ZSCAN23: variants seen among roughly 807,000 people sequenced by gnomAD.
The protein encoded by ZSCAN23 is zinc finger and SCAN domain-containing protein 23.
A neutral mutation model predicts 19.3 loss-of-function variants in ZSCAN23; 19 were observed. The ratio of observed to expected loss-of-function variants is 0.99; its 90% CI spans 0.69 to 1.45. The LOEUF is 1.45. Ranked by LOEUF, ZSCAN23 falls within the 40% of genes most tolerant of loss-of-function variation. ZSCAN23 has a pLI of 0.00. For synonymous variants in ZSCAN23, 140 were observed against 166.2 expected, an observed-to-expected ratio of 0.84 and a Z score of 1.21; for missense variants, 372 against 462.5, an observed-to-expected ratio of 0.80 and a Z score of 1.79.
intron 1 of ZSCAN23, among the ~76,000 whole-genome samples, chr6:28,441,133 C>A (rs1761991704): frequency 1.3e-5 from 2 of 152,214 alleles, no homozygotes; most frequent in Non-Finnish European, 2.9e-5. Flanking sequence ...CTACCATCAT[C>A]CTCATGGAAG....
intron 1 of ZSCAN23, among the ~76,000 whole-genome samples, chr6:28,440,483 C>A (rs1437120200): frequency 2.0e-5 from 3 of 152,124 alleles, no homozygotes; most frequent in Non-Finnish European, 4.4e-5. Flanking sequence ...GAAACATGAT[C>A]TGCTGAATTG....
chr6:28,428,989 C>T (rs537639539), downstream of ZSCAN23, among the ~76,000 whole-genome samples: 118 of 152,290 alleles, frequency 7.7e-4, no homozygotes, highest in Middle Eastern at 3.4e-3. Context: ...ACTCTTGTTG[C>T]CCAGGCTGGA....
Position 28,434,757 on chromosome 6 carries a change from A to G in ZSCAN23, c.878T>C (p.Phe293Ser), listed in dbSNP as rs1761838573. The change falls in exon 4 of 4, where the codon TTC becomes TCC. Residue 293 changes from phenylalanine (F) to serine (S), a missense_variant. Coordinates refer to ENST00000289788, the MANE Select transcript of ZSCAN23 (RefSeq NM_001012455.2). ...GRAFSQRSGL[F>S]QHQRLHTGEK... ...CCCAGTGTGGAGTCTCTGGTGCTGG[A>G]ATAGGCCTGACCTCTGGCTGAAGGC... 6.2e-7 allele frequency: 1 copy of G among 1,602,734 alleles called. No homozygotes were observed. The highest frequency in any genetic ancestry group is 1.7e-4 in the Middle Eastern group (1 of 6,056).
the ZSCAN23 span, among the ~76,000 whole-genome samples, chr6:28,426,625 G>A: frequency 6.6e-6 from 1 of 152,188 alleles, no homozygotes; most frequent in Non-Finnish European, 1.5e-5. Flanking sequence ...ACAGAAACAC[G>A]AAGTGTGCAC....
downstream of ZSCAN23, among the ~76,000 whole-genome samples, chr6:28,432,373 A>G (rs546135728): frequency 2.6e-5 from 4 of 152,314 alleles, no homozygotes; most frequent in Admixed American, 1.3e-4. Context: ...TCAAGACACA[A>G]TAAAAAATAC....
downstream of ZSCAN23, among the ~76,000 whole-genome samples, chr6:28,426,930 A>G (rs1230029664): frequency 1.3e-5 from 2 of 152,150 alleles, no homozygotes; most frequent in Non-Finnish European, 2.9e-5. Flanking sequence ...AGTAGCTGAG[A>G]TTACAGGCAT....
chr6:28,442,871 T>A (rs1561981844), intron 1 of ZSCAN23, among the ~76,000 whole-genome samples: 1 of 152,112 alleles, frequency 6.6e-6, no homozygotes, highest in East Asian at 1.9e-4. Flanking sequence ...TCTCATAGAG[T>A]TATGAGAAGC....
At chr6:28,432,579 A>G (rs1228641399), downstream of ZSCAN23, 2 of 152,162 alleles carry the variant, frequency 1.3e-5, no homozygotes, top group Non-Finnish European at 2.9e-5. Flanking sequence ...TTCCTAGCTC[A>G]TATGAAAGCT....
rs554966333 is a variant in ZSCAN23 at position 28,433,015 on chromosome 6, A to T, written c.*1450T>A. The stretch of plus-strand genomic sequence containing the variant: ...GAAGAATGAATTATCTTTTTAAAAA[A>T]GTCCTACTGAGTAAATTAAATTTTA... On this transcript the variant is annotated 3_prime_UTR_variant, in exon 4 of 4. Transcript: ENST00000289788. 1.3e-5 allele frequency: 2 copies of T among 152,268 alleles called. No individual in the cohort carries two copies. Among genetic ancestry groups the T allele is most frequent in the African/African-American group, 4.8e-5 (2 of 41,582 alleles). 9.4% of individuals were successfully genotyped at this position (152,268 alleles called of 1,614,324 possible). A position where few individuals can be genotyped will look rare whatever the true frequency, so the allele number is the denominator to read the frequency against.
the ZSCAN23 span, among the ~76,000 whole-genome samples, chr6:28,426,891 G>C: frequency 1.3e-5 from 2 of 152,130 alleles, no homozygotes; most frequent in African/African-American, 2.4e-5. Context: ...GCTCACTGCA[G>C]CCTCTGCCTC....
At chr6:28,438,099 T>C in intron 1 of ZSCAN23, among the ~76,000 whole-genome samples, 1 of 137,324 alleles carries the variant, frequency 7.3e-6, no homozygotes, top group African/African-American at 2.8e-5. Context: ...TTTTTTGTTT[T>C]TGTTTTTGTT....
the ZSCAN23 span, among the ~76,000 whole-genome samples, chr6:28,423,100 C>T: frequency 6.6e-6 from 1 of 152,248 alleles, no homozygotes; most frequent in African/African-American, 2.4e-5. Flanking sequence ...ATGAGGGTGA[C>T]ATTTGCTGAA....
intron 3 of ZSCAN23, 71 bp from the exon 4 acceptor site, chr6:28,435,149 G>C (rs1561977789): frequency 6.9e-7 from 1 of 1,445,900 alleles, no homozygotes; most frequent in African/African-American, 1.4e-5. Context: ...AAAGACAAAA[G>C]AAAAAAAGTG....
Position 28,436,131 on chromosome 6 carries a change from T to G in ZSCAN23, c.136A>C (p.Ile46Leu). Reference protein sequence around the residue: ...LSRNNPHTREIFRRRFRQFCY... With the variant: ...LSRNNPHTRELFRRRFRQFCY... ...AACTGCCTGAAGCGTCTACGAAAGA[T>G]CTCTCTGGTATGAGGGTTATTTCTT... Residue 46 changes from isoleucine (I) to leucine (L), a missense_variant, in exon 2 of 4, where the codon ATC (isoleucine) becomes CTC (leucine). By Grantham distance (5) the Ile-to-Leu change is conservative. Transcript: ENST00000289788. 1 of 1,606,666 alleles carries G rather than the reference T, an allele frequency of 6.2e-7. No homozygotes were observed. The highest frequency in any genetic ancestry group is 8.5e-7 in the Non-Finnish European group (1 of 1,176,248).
At chr6:28,425,928 A>T in the ZSCAN23 span, among the ~76,000 whole-genome samples, 1 of 152,236 alleles carries the variant, frequency 6.6e-6, no homozygotes, top group Non-Finnish European at 1.5e-5. Context: ...TTGTGGAGAC[A>T]GCTTCTTTCC....
chr6:28,428,238 C>A (rs1396342251), downstream of ZSCAN23, among the ~76,000 whole-genome samples: 1 of 152,164 alleles, frequency 6.6e-6, no homozygotes, highest in East Asian at 1.9e-4. Context: ...CCTTACAGTC[C>A]AGTGGTGCAT....
downstream of ZSCAN23, chr6:28,432,508 C>G (rs1028774063): frequency 6.6e-6 from 1 of 152,074 alleles, no homozygotes; most frequent in Non-Finnish European, 1.5e-5. Context: ...AAAATACCAC[C>G]CATCACTTCT....
intron 1 of ZSCAN23, among the ~76,000 whole-genome samples, chr6:28,437,566 G>C (rs1316444840): frequency 6.6e-6 from 1 of 152,138 alleles, no homozygotes; most frequent in Non-Finnish European, 1.5e-5. Flanking sequence ...CTGGGCGACA[G>C]AGCAAGACTC....
In ZSCAN23 at chr6:28,434,372, G is replaced by T. The variant is rs1761824042; in HGVS notation, c.*93C>A. Reference sequence around the variant, plus strand: ...ATGCTTCTCTCTGCATAAAAGTAAGGGAATTTTTACTGGCTTTCCCTTGAA... The same window carrying T: ...ATGCTTCTCTCTGCATAAAAGTAAGTGAATTTTTACTGGCTTTCCCTTGAA... On this transcript the variant is annotated 3_prime_UTR_variant, in exon 4 of 4. Coordinates refer to ENST00000289788, the MANE Select transcript of ZSCAN23 (RefSeq NM_001012455.2). 1 of 1,394,028 alleles carries T rather than the reference G, an allele frequency of 7.2e-7. No homozygotes were observed. Among genetic ancestry groups the T allele is most frequent in the East Asian group, 2.5e-5 (1 of 39,714 alleles). The allele number at this position is 1,394,028 out of a possible 1,614,324, so 86.4% of individuals were successfully genotyped here. A position where few individuals can be genotyped will look rare whatever the true frequency, so the allele number is the denominator to read the frequency against.
Sources: allele counts gnomAD v4.1 joint callset (sites outside exome capture counted in the v4.1 genomes callset), GRCh38; gene constraint gnomAD v4.1.1; transcripts MANE v1.5; gene names NCBI Gene and HGNC (gene_info 2026-07-23, HGNC 2026-07-21).